The following EHBP1 variants were observed in gnomAD, a reference collection of about 807,000 sequenced individuals.
The protein encoded by EHBP1 is EH domain binding protein 1.
EHBP1 carries 55 observed loss-of-function variants against 144.0 expected under a neutral mutation model. That is an observed-to-expected ratio of 0.38 (90% CI 0.31 to 0.48). EHBP1 has a LOEUF of 0.48. EHBP1 is among the 20% of genes least tolerant of loss of function. The probability of loss-of-function intolerance (pLI) is 0.98; values close to 1 mark genes in which losing one functional copy is unlikely to be tolerated. For synonymous variants in EHBP1, 469 were observed against 472.7 expected (o/e 0.99, Z 0.10); for missense variants, 1,200 against 1,364.2 (o/e 0.88, Z 1.90).
chr2:63,022,477 G>T (rs953983517), intron 19 of EHBP1, among the ~76,000 whole-genome samples: 3 of 151,766 alleles, frequency 2.0e-5, no homozygotes, highest in African/African-American at 7.3e-5. Flanking sequence ...ACCACACTCA[G>T]GTTATTTTTG....
At chr2:62,781,055 C>T (rs568142834) in intron 5 of EHBP1, among the ~76,000 whole-genome samples, 1 of 152,140 alleles carries the variant, frequency 6.6e-6, no homozygotes, top group African/African-American at 2.4e-5. Flanking sequence ...CAGATACTTG[C>T]TACATACTGA....
intron 1 of EHBP1, among the ~76,000 whole-genome samples, chr2:62,699,611 A>G (rs757038602): frequency 6.6e-6 from 1 of 152,252 alleles, no homozygotes; most frequent in Non-Finnish European, 1.5e-5. Context: ...CTCTAGAGTT[A>G]GGGCTGGTAT....
chr2:62,838,909 G>T (rs1489736570), intron 7 of EHBP1, among the ~76,000 whole-genome samples: 1 of 126,020 alleles, frequency 7.9e-6, no homozygotes, highest in Admixed American at 8.2e-5. Flanking sequence ...TTCTACCAGA[G>T]GTACAAGGAG....
At chr2:62,715,158 A>G (rs2151876150) in intron 2 of EHBP1, among the ~76,000 whole-genome samples, 1 of 152,242 alleles carries the variant, frequency 6.6e-6, no homozygotes, top group African/African-American at 2.4e-5. Flanking sequence ...TCTGTCACCC[A>G]GGCTGGAGTG....
Position 62,831,142 on chromosome 2 carries a change from G to A in EHBP1, c.618G>A (p.Lys206=). The stretch of plus-strand genomic sequence containing the variant: ...AGAACAGAGTGAACCAAGAAGAAAA[G>A]GCAGCTAAAATTACAGGTTGGTTTT... ...DDENRVNQEE[K]AAKITELINK... is the part of the protein sequence containing the mutation. Residue 206 remains lysine (K), a synonymous_variant, in exon 7 of 23, where the codon AAG becomes AAA. Coordinates refer to ENST00000431489, the MANE Select transcript of EHBP1 (RefSeq NM_001142616.3). The A allele has an allele frequency of 6.3e-7, 1 of 1,595,508 alleles. No individual in the cohort carries two copies.
At chr2:62,999,181 G>A (rs536343350) in intron 19 of EHBP1, among the ~76,000 whole-genome samples, 18 of 151,840 alleles carry the variant, frequency 1.2e-4, no homozygotes, top group Non-Finnish European at 4.4e-5. Flanking sequence ...GTGGAGTTAC[G>A]GCTTGAACCC....
chr2:62,789,916 C>T (rs748835961), intron 5 of EHBP1, among the ~76,000 whole-genome samples: 24 of 152,182 alleles, frequency 1.6e-4, no homozygotes, highest in Non-Finnish European at 3.4e-4. Flanking sequence ...TTACCTAAAA[C>T]TTACTTGTTT....
chr2:62,881,700 A>C (rs1373657071), intron 10 of EHBP1: 1 of 152,168 alleles, frequency 6.6e-6, no homozygotes, highest in Non-Finnish European at 1.5e-5. Flanking sequence ...AGAAATTTTA[A>C]TACGTGATGA....
At position 63,045,515 on chromosome 2, in the gene EHBP1, A is replaced by G; in HGVS notation, c.*15A>G. On this transcript the variant is annotated 3_prime_UTR_variant, in exon 23 of 23. Transcript: ENST00000431489. This position sits in a 1 kb window ranked among gnomAD's most constrained non-coding sequence, Gnocchi z 5.7. ...TTCTTCAGTAGCCATCAGATCAGAA[A>G]GAATCTCTCCCAACATTTTAGAGTC... 1.3e-6 allele frequency: 2 copies of G among 1,597,158 alleles called. No individual in the cohort carries two copies. Among genetic ancestry groups the G allele is most frequent in the Non-Finnish European group, 1.7e-6 (2 of 1,166,544 alleles).
upstream of EHBP1, among the ~76,000 whole-genome samples, chr2:62,705,141 G>A (rs575897422): frequency 1.3e-4 from 20 of 152,258 alleles, no homozygotes; most frequent in African/African-American, 4.3e-4. Flanking sequence ...CATTACTTCA[G>A]GTTGTCAGGT....
At chr2:62,704,259 G>A (rs561432742), upstream of EHBP1, among the ~76,000 whole-genome samples, 2 of 152,328 alleles carry the variant, frequency 1.3e-5, no homozygotes, top group South Asian at 4.1e-4. Flanking sequence ...CTGTGCTCTT[G>A]TATTATTAGA....
intron 5 of EHBP1, among the ~76,000 whole-genome samples, chr2:62,798,615 C>A (rs1385674011): frequency 1.3e-5 from 2 of 152,090 alleles, no homozygotes; most frequent in African/African-American, 4.8e-5. Flanking sequence ...TGTGCATTAA[C>A]ATGTGCTTAG....
chr2:62,950,108 T>G (rs944820883), intron 13 of EHBP1, among the ~76,000 whole-genome samples: 7 of 152,280 alleles, frequency 4.6e-5, no homozygotes, highest in African/African-American at 1.4e-4. Context: ...GAATCACTTT[T>G]TGATTTAGAG....
rs556352134 is a variant in EHBP1, at chr2:62,819,775, A to AC, written c.313-6312_313-6311insC. Among the ~76,000 whole-genome samples the AC allele has an allele frequency of 2.2e-3, 327 of 151,342 alleles. 1 individual carries two copies. Among genetic ancestry groups the AC allele is most frequent in the Non-Finnish European group, 3.2e-3 (220 of 67,734 alleles). On this transcript the variant is annotated intron_variant, in intron 5 of 22. Transcript: ENST00000431489. ...CGAGACTCCAGCTCAAAAAAACAAA[A>AC]AAAAAAAAACCCGCGACAACCCATA...
At chr2:62,807,048 G>GT (rs2044570019) in intron 5 of EHBP1, among the ~76,000 whole-genome samples, 1 of 152,112 alleles carries the variant, frequency 6.6e-6, no homozygotes, top group African/African-American at 2.4e-5. Context: ...TGCAAATACT[G>GT]TGTTTTCAAT....
chr2:62,926,217 T>C (rs1392196138), intron 10 of EHBP1, among the ~76,000 whole-genome samples: 1 of 152,006 alleles, frequency 6.6e-6, no homozygotes, highest in Non-Finnish European at 1.5e-5. Context: ...CTGCCACCTC[T>C]CAAAATGGAT....
In EHBP1 at chr2:62,820,224, A is replaced by AG. The variant is rs1334938665; in HGVS notation, c.313-5862dup. Among the ~76,000 whole-genome samples the AG allele has an allele frequency of 2.0e-5, 3 of 147,380 alleles. No individual in the cohort carries two copies. In the South Asian group the frequency reaches 6.5e-4, roughly 32 times the overall value. ...GAAACTCTTGTCTCAAAAAAAAAAAAGAAAAAAAAAAAAAAGAACATGATG... is the reference window on the plus strand; with the variant it reads ...GAAACTCTTGTCTCAAAAAAAAAAAAGGAAAAAAAAAAAAAAGAACATGATG... On this transcript the variant is annotated intron_variant, in intron 5 of 22. Coordinates refer to ENST00000431489, the MANE Select transcript of EHBP1 (RefSeq NM_001142616.3).
chr2:62,838,569 A>G (rs1339117166), intron 7 of EHBP1, among the ~76,000 whole-genome samples: 27 of 152,100 alleles, frequency 1.8e-4, no homozygotes, highest in Non-Finnish European at 3.7e-4. Context: ...TTTTGAAAGG[A>G]TCAACAAAAT....
chr2:62,836,220 C>T (rs907129301), intron 7 of EHBP1, among the ~76,000 whole-genome samples: 21 of 152,140 alleles, frequency 1.4e-4, no homozygotes, highest in African/African-American at 5.1e-4. Context: ...AGGCACCCCC[C>T]AGCAGGGGCA....
Sources: gnomAD v4.1 joint callset for allele counts (sites outside exome capture counted in the v4.1 genomes callset) on GRCh38, gnomAD v4.1.1 for gene constraint, Gnocchi (gnomAD v3.1) non-coding constraint, MANE v1.5 for transcripts, NCBI Gene and HGNC (gene_info 2026-07-23, HGNC 2026-07-21) for gene names.